BIRC6: variants seen among roughly 807,000 people sequenced by gnomAD.
BIRC6 encodes the protein baculoviral IAP repeat containing 6.
A neutral mutation model predicts 503.3 loss-of-function variants in BIRC6; 98 were observed. The ratio of observed to expected loss-of-function variants is 0.19; its 90% CI spans 0.17 to 0.23. BIRC6 has a LOEUF of 0.23. Ranked by LOEUF, BIRC6 falls within the 10% of genes least tolerant of loss-of-function variation. The pLI, the probability that BIRC6 is intolerant of heterozygous loss-of-function variation, is 1.00. For synonymous variants in BIRC6, 2,240 were observed against 2,078.7 expected (o/e 1.08, Z -2.11); for missense variants, 5,360 against 5,806.0 (o/e 0.92, Z 2.50).
chr2:32,461,035 CTCTTCTCTTCTCTTCTCTT>C (rs2047863594), intron 23 of BIRC6, among the ~76,000 whole-genome samples: 1 of 75,914 alleles, frequency 1.3e-5, no homozygotes, highest in African/African-American at 4.6e-5. Context: ...CTCTTCTCTT[CTCTTCTCTTCTCTTCTCTT>C]CTCTTCTCTT....
chr2:32,527,824 A>G (rs933295314), intron 59 of BIRC6: 2 of 152,334 alleles, frequency 1.3e-5, no homozygotes, highest in South Asian at 4.1e-4. Context: ...AATAGTCGAA[A>G]TGGTTTTGAA....
At chr2:32,440,256 T>C (rs1241077656) in intron 16 of BIRC6, among the ~76,000 whole-genome samples, 4 of 152,372 alleles carry the variant, frequency 2.6e-5, no homozygotes, top group East Asian at 3.9e-4. Flanking sequence ...TATTTCCCTT[T>C]ATAATTATTT....
chr2:32,518,931 C>G lies in BIRC6; in HGVS notation c.11608C>G (p.Leu3870Val), dbSNP rs2055347911. The G allele has an allele frequency of 6.2e-7, 1 of 1,613,610 alleles. No individual in the cohort carries two copies. Among genetic ancestry groups the G allele is most frequent in the Non-Finnish European group, 8.5e-7 (1 of 1,179,706 alleles). ...AGTCTCAACAACATTATCAGATGTTCTTGACAGAGTGTCAGGCAAGTCAGA... is the reference window on the plus strand; with the variant it reads ...AGTCTCAACAACATTATCAGATGTTGTTGACAGAGTGTCAGGCAAGTCAGA... The part of the protein sequence containing the change: ...LPVSTTLSDV[L>V]DRVSDTPSIT... The change falls in exon 57 of 74, where the codon CTT becomes GTT. Residue 3870 changes from leucine (L) to valine (V), a missense_variant. Transcript: ENST00000421745.
At chr2:32,598,505 T>G (rs948427135) in intron 69 of BIRC6, among the ~76,000 whole-genome samples, 1 of 152,188 alleles carries the variant, frequency 6.6e-6, no homozygotes, top group African/African-American at 2.4e-5. Context: ...CTGTGAATTA[T>G]AGGTAATACA....
intron 45 of BIRC6, among the ~76,000 whole-genome samples, chr2:32,498,284 C>G (rs896618809): frequency 6.6e-6 from 1 of 152,072 alleles, no homozygotes; most frequent in Non-Finnish European, 1.5e-5. Flanking sequence ...AGGGTAGTCT[C>G]GAACTCCTGA....
Position 32,597,917 on chromosome 2 carries a change from A to G in BIRC6, c.13779A>G (p.Ser4593=), listed in dbSNP as rs778424517. Residue 4593 remains serine (S), a synonymous_variant, in exon 69 of 74, where the codon TCA becomes TCG. Transcript: ENST00000421745. ...VTLSTSLPLS[S]SSSVFVRCDE... is the part of the protein sequence containing the mutation. The stretch of plus-strand genomic sequence containing the variant: ...TTTCAACCTCACTGCCTCTGTCTTC[A>G]TCCTCTAGTGTGTTTGTACGCTGTG... 3 of 1,613,786 alleles carry G rather than the reference A, an allele frequency of 1.9e-6. No homozygotes were observed. The highest frequency in any genetic ancestry group is 2.2e-5 in the East Asian group (1 of 44,886).
chr2:32,388,221 A>G (rs1474968073), intron 3 of BIRC6, among the ~76,000 whole-genome samples: 4 of 151,922 alleles, frequency 2.6e-5, no homozygotes, highest in African/African-American at 9.7e-5. Context: ...TGTACTAAAA[A>G]TACAAAAAAA....
At position 32,493,560 on chromosome 2, in the gene BIRC6, A is replaced by T; in HGVS notation, c.8361A>T (p.Gln2787His). The T allele has an allele frequency of 6.2e-7, 1 of 1,610,572 alleles. No homozygotes were observed. Among genetic ancestry groups the T allele is most frequent in the Non-Finnish European group, 8.5e-7 (1 of 1,177,756 alleles). Residue 2787 changes from glutamine to histidine, a missense_variant, in exon 45 of 74, where the codon CAA (glutamine) becomes CAT (histidine). Transcript: ENST00000421745. The part of the protein sequence containing the change: ...HSPQVGPTAT[Q>H]AMQEFLTRLQ... ...TTTAGGTTGGTCCTACAGCTACACA[A>T]GCTATGCAAGAATTTCTTACTCGAT...
At chr2:32,438,593 T>C (rs950377777) in intron 15 of BIRC6, among the ~76,000 whole-genome samples, 8 of 148,202 alleles carry the variant, frequency 5.4e-5, no homozygotes, top group Non-Finnish European at 1.0e-4. Flanking sequence ...GGAGTCTTGC[T>C]CTGTCGCCCA....
chr2:32,539,473 C>T (rs540413296), intron 61 of BIRC6, among the ~76,000 whole-genome samples: 16 of 152,226 alleles, frequency 1.1e-4, no homozygotes, highest in African/African-American at 3.4e-4. Flanking sequence ...AAAATCAAAC[C>T]CAGTATGTTC....
At chr2:32,406,704 A>G (rs1357204735) in intron 9 of BIRC6, 147 bp downstream of exon 9, 1 of 556,972 alleles carries the variant, frequency 1.8e-6, no homozygotes, top group African/African-American at 1.9e-5. Flanking sequence ...ATTGTGTGTC[A>G]GAGATCTCAA....
chr2:32,558,619 A>C (rs1255075865), intron 65 of BIRC6: 4 of 152,224 alleles, frequency 2.6e-5, no homozygotes, highest in African/African-American at 9.6e-5. Flanking sequence ...TAAATGTCAG[A>C]GTTTTAAAAT....
At chr2:32,380,443 A>C (rs1238090845) in intron 3 of BIRC6, among the ~76,000 whole-genome samples, 153 bp downstream of exon 3, 1 of 152,196 alleles carries the variant, frequency 6.6e-6, no homozygotes, top group Non-Finnish European at 1.5e-5. Context: ...TTAAAGTTGA[A>C]ACTGGCTGGG....
chr2:32,392,217 A>T, intron 5 of BIRC6, 67 bp downstream of exon 5: 2 of 1,139,726 alleles, frequency 1.8e-6, no homozygotes, highest in Non-Finnish European at 2.5e-6. Context: ...AAATTATCAC[A>T]TTTTTTTAAC....
chr2:32,546,374 G>A (rs1358626906), intron 63 of BIRC6, among the ~76,000 whole-genome samples: 1 of 151,952 alleles, frequency 6.6e-6, no homozygotes, highest in Admixed American at 6.5e-5. Flanking sequence ...GAGGTCAGGA[G>A]TTCGAGACTA....
At chr2:32,404,722 C>G (rs1376601027) in intron 8 of BIRC6, among the ~76,000 whole-genome samples, 1 of 151,926 alleles carries the variant, frequency 6.6e-6, no homozygotes, top group Admixed American at 6.6e-5. Context: ...CTCTGTCACC[C>G]GGGCTCACGG....
At chr2:32,377,811 A>G in intron 2 of BIRC6, 42 bp downstream of exon 2, 1 of 1,474,710 alleles carries the variant, frequency 6.8e-7, no homozygotes, top group Non-Finnish European at 9.2e-7. Context: ...TACTTAATGT[A>G]ATCTTAGACA....
Position 32,443,459 on chromosome 2 carries a change from C to G in BIRC6, c.4239-32C>G, listed in dbSNP as rs561252897. 1.6e-5 allele frequency: 23 copies of G among 1,480,004 alleles called. No individual in the cohort carries two copies. In the African/African-American group the frequency reaches 2.5e-4, roughly 16 times the overall value. The allele number at this position is 1,480,004 out of a possible 1,614,324, so 91.7% of individuals were successfully genotyped here. ...GTTGAATTTAGACCTTGAGTAATGT[C>G]TTTACAATTTTTCTTTTTAAAAATT... On this transcript the variant is annotated intron_variant, in intron 19 of 73. Transcript: ENST00000421745.
chr2:32,611,566 A>T lies in BIRC6; in HGVS notation c.14378A>T (p.His4793Leu). 6.3e-7 allele frequency: 1 copy of T among 1,588,068 alleles called. No homozygotes were observed. The highest frequency in any genetic ancestry group is 8.6e-7 in the Non-Finnish European group (1 of 1,164,510). Residue 4793 changes from histidine (H) to leucine (L), a missense_variant, in exon 73 of 74, where the codon CAT becomes CTT. This residue lies in a region of BIRC6 where 140 missense variants were observed against 130.2 expected (regional missense o/e 1.07). Transcript: ENST00000421745. ...DKRVGRTMSH[H>L]AAALKRHTAQ... is the part of the protein sequence containing the mutation. The stretch of plus-strand genomic sequence containing the variant: ...CGGGTAGGCAGGACTATGTCTCACC[A>T]TGCAGCAGCTCTCAAGGTGAGTAAG...
Sources: gnomAD v4.1 joint callset for allele counts (sites outside exome capture counted in the v4.1 genomes callset) on GRCh38, gnomAD v4.1.1 for gene constraint, gnomAD v4.1.1 regional missense constraint, MANE v1.5 for transcripts, NCBI Gene and HGNC (gene_info 2026-07-23, HGNC 2026-07-21) for gene names.